Variants in COXFA4L2 observed in about 807,000 individuals in gnomAD.
The protein encoded by COXFA4L2 is cytochrome c oxidase hypoxia associated subunit FA4L2.
the COXFA4L2 span, among the ~76,000 whole-genome samples, chr12:57,239,073 G>A: frequency 6.6e-6 from 1 of 152,242 alleles, no homozygotes; most frequent in Non-Finnish European, 1.5e-5. The surrounding 1 kb of genome is among the most constrained non-coding windows in gnomAD (Gnocchi z 5.5). Flanking sequence ...GTCATTAGCC[G>A]CAGATTAGGC....
At chr12:57,237,037 G>A in the COXFA4L2 span, 3 of 1,614,220 alleles carry the variant, frequency 1.9e-6, no homozygotes, top group South Asian at 3.3e-5. Flanking sequence ...ACCCCCGGAT[G>A]TCTTTTGATC....
At chr12:57,236,460 T>A in the COXFA4L2 span, 1 of 729,510 alleles carries the variant, frequency 1.4e-6, no homozygotes, top group Non-Finnish European at 2.2e-6. Flanking sequence ...AGCAGTGGGC[T>A]CCAGCCCTGA....
At chr12:57,235,336 C>G in the COXFA4L2 span, 1 of 593,998 alleles carries the variant, frequency 1.7e-6, no homozygotes, top group East Asian at 2.8e-5. Context: ...CCTGCCTCCT[C>G]CTCCCCCACG....
the COXFA4L2 span, among the ~76,000 whole-genome samples, chr12:57,235,974 T>A: frequency 6.6e-6 from 1 of 152,144 alleles, no homozygotes; most frequent in South Asian, 2.1e-4. Context: ...GGAACGGTCA[T>A]ATTAGCAGGT....
the COXFA4L2 span, chr12:57,236,124 A>T: frequency 2.8e-6 from 1 of 356,732 alleles, no homozygotes; most frequent in East Asian, 4.2e-5. Flanking sequence ...AATCAGACAC[A>T]GATCCCAAGG....
chr12:57,235,300 C>G, the COXFA4L2 span: 6 of 581,230 alleles, frequency 1.0e-5, no homozygotes, highest in Non-Finnish European at 1.8e-5. Flanking sequence ...CTGGTCTGGG[C>G]TCTTGGTGGA....
chr12:57,238,700 T>C, the COXFA4L2 span, among the ~76,000 whole-genome samples: 1 of 152,322 alleles, frequency 6.6e-6, no homozygotes, highest in South Asian at 2.1e-4. The surrounding 1 kb of genome is among the most constrained non-coding windows in gnomAD (Gnocchi z 6.8). Context: ...TTGTGCCCTT[T>C]GTTCTGAGTT....
At chr12:57,238,377 CAA>C in the COXFA4L2 span, among the ~76,000 whole-genome samples, 1 of 151,914 alleles carries the variant, frequency 6.6e-6, no homozygotes, top group Non-Finnish European at 1.5e-5. This position sits in a 1 kb window ranked among gnomAD's most constrained non-coding sequence, Gnocchi z 6.8. Context: ...ACGGCGAGAA[CAA>C]AGAGACAGAG....
chr12:57,235,528 C>T, the COXFA4L2 span: 3 of 1,609,368 alleles, frequency 1.9e-6, no homozygotes, highest in East Asian at 2.2e-5. Flanking sequence ...GGCTGGCTGG[C>T]TGTGGCTTGC....
At chr12:57,238,368 C>T in the COXFA4L2 span, among the ~76,000 whole-genome samples, 4 of 152,052 alleles carry the variant, frequency 2.6e-5, no homozygotes, top group African/African-American at 9.7e-5. The surrounding 1 kb of genome is among the most constrained non-coding windows in gnomAD (Gnocchi z 6.8). Flanking sequence ...GTCAGAGACA[C>T]GGCGAGAACA....
At chr12:57,235,939 GT>G in the COXFA4L2 span, 1 of 673,910 alleles carries the variant, frequency 1.5e-6, no homozygotes. Flanking sequence ...TGCCCTGGGG[GT>G]CCCATTTCCC....
At chr12:57,235,373 G>GCTTC in the COXFA4L2 span, 1 of 651,800 alleles carries the variant, frequency 1.5e-6, no homozygotes, top group East Asian at 2.6e-5. Flanking sequence ...GGTCAGAGGC[G>GCTTC]CTTCCGCTGC....
the COXFA4L2 span, chr12:57,236,974 G>A: frequency 6.2e-7 from 1 of 1,607,796 alleles, no homozygotes; most frequent in Non-Finnish European, 8.5e-7. Flanking sequence ...GGGATTTGGA[G>A]GGTGGGGCAG....
chr12:57,235,224 C>T, the COXFA4L2 span: 6 of 354,880 alleles, frequency 1.7e-5, no homozygotes, highest in Non-Finnish European at 2.6e-5. Context: ...TGTTGGCTCA[C>T]GTAGGCCACG....
At chr12:57,235,755 T>TACAAGGGC in the COXFA4L2 span, 2 of 1,593,842 alleles carry the variant, frequency 1.3e-6, no homozygotes, top group Non-Finnish European at 8.6e-7. Flanking sequence ...GTACCTTGTA[T>TACAAGGGC]TGGTCATTGG....
the COXFA4L2 span, chr12:57,235,378 C>T: frequency 3.7e-5 from 25 of 670,904 alleles, no homozygotes; most frequent in African/African-American, 5.4e-5. Flanking sequence ...GAGGCGCTTC[C>T]GCTGCTGGGA....
the COXFA4L2 span, chr12:57,240,757 G>A: frequency 1.4e-5 from 14 of 985,514 alleles, no homozygotes; most frequent in Admixed American, 4.3e-4. Flanking sequence ...ACCTGCAGGC[G>A]GAGACGCACG....
the COXFA4L2 span, chr12:57,237,052 G>A: frequency 4.9e-4 from 787 of 1,614,200 alleles, no homozygotes; most frequent in South Asian, 9.9e-4. Flanking sequence ...TTGATCTGCC[G>A]GTAGAAGCGG....
chr12:57,237,225 C>G, the COXFA4L2 span: 1 of 1,526,414 alleles, frequency 6.6e-7, no homozygotes. Flanking sequence ...GGACTCACCC[C>G]ACCCCAACTT....
Sources: allele counts gnomAD v4.1 joint callset (sites outside exome capture counted in the v4.1 genomes callset), GRCh38; gene constraint gnomAD v4.1.1; non-coding constraint Gnocchi (gnomAD v3.1); transcripts MANE v1.5; gene names NCBI Gene and HGNC (gene_info 2026-07-23, HGNC 2026-07-21).